Variants in MYO6 observed in about 807,000 individuals in gnomAD.
The protein encoded by MYO6 is myosin VI.
In MYO6, 74 loss-of-function variants were observed where a neutral mutation model predicts 178.7. That is an observed-to-expected ratio of 0.41 (90% CI 0.34 to 0.50). The LOEUF (loss-of-function observed/expected upper bound fraction) is 0.50. Among genes scored for constraint, MYO6 ranks in the 20% least tolerant of loss-of-function variants. The pLI is 0.09. For missense variants in MYO6, 1,330 were observed against 1,547.4 expected, an observed-to-expected ratio of 0.86 and a Z score of 2.36; for synonymous variants, 477 against 504.6, an observed-to-expected ratio of 0.95 and a Z score of 0.73.
intron 30 of MYO6, among the ~76,000 whole-genome samples, chr6:75,905,398 T>TATATCC (rs1285535294): frequency 1.1e-3 from 165 of 152,334 alleles, no homozygotes; most frequent in African/African-American, 3.8e-3. Context: ...CTCCGAGCCA[T>TATATCC]GTGCGGGATA....
intron 1 of MYO6, among the ~76,000 whole-genome samples, chr6:75,760,085 C>T (rs182112076): frequency 3.3e-5 from 5 of 152,224 alleles, no homozygotes; most frequent in African/African-American, 1.2e-4. Flanking sequence ...AGCAAGAGCA[C>T]TAGAACATAG....
intron 23 of MYO6, 75 bp from the exon 24 acceptor site, chr6:75,885,929 A>C: frequency 1.1e-6 from 1 of 886,476 alleles, no homozygotes; most frequent in South Asian, 1.5e-5. Flanking sequence ...TTACTTTGTG[A>C]AAATGAGTTT....
At chr6:75,778,139 G>A (rs1265096560) in intron 1 of MYO6, among the ~76,000 whole-genome samples, 1 of 151,936 alleles carries the variant, frequency 6.6e-6, no homozygotes, top group Non-Finnish European at 1.5e-5. Context: ...GATTACAGAC[G>A]TACATCATCA....
At chr6:75,854,173 C>T (rs74922712) in intron 11 of MYO6, among the ~76,000 whole-genome samples, 2,973 of 152,040 alleles carry the variant, frequency 0.02, 41 homozygotes, top group Non-Finnish European at 0.033. Context: ...CTCACATACC[C>T]CTGTGCAAGC....
Position 75,830,454 on chromosome 6 carries a change from C to T in MYO6, c.300C>T (p.Tyr100=), listed in dbSNP as rs1338891881. The T allele has an allele frequency of 6.2e-7, 1 of 1,612,194 alleles. No individual in the cohort carries two copies. The highest frequency in any genetic ancestry group is 8.5e-7 in the Non-Finnish European group (1 of 1,178,512). ...VANILIAVNP[Y]FDIPKIYSSE... is the part of the protein sequence containing the mutation. ...ACATTCTGATTGCAGTGAATCCATACTTTGACATACCTAAAATATATTCTT... is the reference window on the plus strand; with the variant it reads ...ACATTCTGATTGCAGTGAATCCATATTTTGACATACCTAAAATATATTCTT... Residue 100 remains tyrosine (Y), a synonymous_variant, in exon 5 of 35, where the codon TAC becomes TAT. Transcript: ENST00000369977.
rs1358766046 is a variant in MYO6, at chr6:75,900,061, G to T, written c.3176+1650G>T. On this transcript the variant is annotated intron_variant, in intron 30 of 34. Transcript: ENST00000369977. ...TCATCCATGTCCCTGCAAAGGACATGAACTCATCATTTTTTATGGCTGCAT... is the reference window on the plus strand; with the variant it reads ...TCATCCATGTCCCTGCAAAGGACATTAACTCATCATTTTTTATGGCTGCAT... Among the ~76,000 whole-genome samples the T allele has an allele frequency of 2.6e-5, 4 of 151,772 alleles. No homozygotes were observed. The East Asian group carries it at 7.7e-4, about 29-fold the overall frequency.
chr6:75,834,361 T>C (rs1773432389), intron 6 of MYO6, among the ~76,000 whole-genome samples: 1 of 152,060 alleles, frequency 6.6e-6, no homozygotes, highest in African/African-American at 2.4e-5. Flanking sequence ...GCCTCCCAAG[T>C]AACTGGGACC....
At chr6:75,884,933 C>G (rs1170852701) in intron 23 of MYO6, among the ~76,000 whole-genome samples, 1 of 152,196 alleles carries the variant, frequency 6.6e-6, no homozygotes, top group East Asian at 1.9e-4. Flanking sequence ...ACCGTAATTT[C>G]TAATCTTGGA....
intron 1 of MYO6, among the ~76,000 whole-genome samples, chr6:75,774,506 A>G (rs1766188363): frequency 6.6e-6 from 1 of 152,168 alleles, no homozygotes; most frequent in Non-Finnish European, 1.5e-5. Flanking sequence ...TTAGAGAATG[A>G]ATGCAATTTA....
intron 30 of MYO6, among the ~76,000 whole-genome samples, chr6:75,903,681 A>T (rs936327544): frequency 2.0e-5 from 3 of 151,820 alleles, no homozygotes; most frequent in Non-Finnish European, 4.4e-5. Context: ...CTCTTTATCC[A>T]GTTTGCCAGT....
At chr6:75,801,853 A>G (rs1399497009) in intron 1 of MYO6, among the ~76,000 whole-genome samples, 1 of 151,950 alleles carries the variant, frequency 6.6e-6, no homozygotes, top group Non-Finnish European at 1.5e-5. Flanking sequence ...AGGCAGGAGA[A>G]TCACTTGAAC....
In MYO6 at chr6:75,907,617, A is replaced by G. The variant is rs138368261; in HGVS notation, c.3189A>G (p.Val1063=). ...MSEFLSRGPA[V]LATKAAAGTK... is the part of the protein sequence containing the mutation. ...GTAATAATTACAGAGGTCCTGCTGT[A>G]CTAGCCACCAAAGCAGCTGCTGGTA... is the stretch of plus-strand genomic sequence containing the variant. Residue 1063 remains valine, a synonymous_variant, in exon 31 of 35, where the codon GTA becomes GTG. Coordinates refer to ENST00000369977, the MANE Select transcript of MYO6 (RefSeq NM_004999.4). 3 of 1,612,758 alleles carry G rather than the reference A, an allele frequency of 1.9e-6. No individual in the cohort carries two copies. The highest frequency in any genetic ancestry group is 2.5e-6 in the Non-Finnish European group (3 of 1,179,114).
At chr6:75,854,870 A>T (rs1246405117) in intron 11 of MYO6, among the ~76,000 whole-genome samples, 1 of 152,192 alleles carries the variant, frequency 6.6e-6, no homozygotes, top group Non-Finnish European at 1.5e-5. Context: ...GTTTGCTTAT[A>T]GGGTCAAAAA....
rs201924951 is a variant in MYO6 at position 75,757,398 on chromosome 6, TAC to T, written c.-48+7987_-48+7988del. Among the ~76,000 whole-genome samples, 559 of 149,288 alleles carry T rather than the reference TAC, an allele frequency of 3.7e-3. 3 individuals are homozygous for T. Among genetic ancestry groups the T allele is most frequent in the South Asian group, 9.3e-3 (44 of 4,706 alleles). ...GTATATATATGTATACACATATATA[TAC>T]ACACACACACATAGAGACAGACTTC... On this transcript the variant is annotated intron_variant, in intron 1 of 34. Transcript: ENST00000369977.
intron 16 of MYO6, among the ~76,000 whole-genome samples, chr6:75,866,258 CGTCTCT>C (rs1345989425): frequency 3.1e-5 from 4 of 129,066 alleles, no homozygotes; most frequent in Admixed American, 7.9e-5. Flanking sequence ...TCTTTCTCTC[CGTCTCT>C]GTCTCTGTCT....
Position 75,870,661 on chromosome 6 carries a change from G to A in MYO6, c.1959G>A (p.Leu653=), listed in dbSNP as rs1777071896. The change falls in exon 19 of 35, where the codon TTG becomes TTA. Residue 653 remains leucine (L), a synonymous_variant. Coordinates refer to ENST00000369977, the MANE Select transcript of MYO6 (RefSeq NM_004999.4). ...VGNKFKTQLN[L]LLDKLRSTGA... ...TTCTTTCACAGACACAGTTAAATTT[G>A]CTTCTGGATAAACTTCGAAGTACTG... 1 of 1,612,360 alleles carries A rather than the reference G, an allele frequency of 6.2e-7. No homozygotes were observed. Among genetic ancestry groups the A allele is most frequent in the Non-Finnish European group, 8.5e-7 (1 of 1,179,280 alleles).
intron 15 of MYO6, among the ~76,000 whole-genome samples, chr6:75,862,329 A>T (rs565692030): frequency 1.3e-5 from 2 of 152,218 alleles, no homozygotes; most frequent in Non-Finnish European, 1.5e-5. Flanking sequence ...CTGGTTTACA[A>T]ATGGAATGGT....
chr6:75,822,287 G>A (rs906764608), intron 2 of MYO6, among the ~76,000 whole-genome samples: 7 of 151,986 alleles, frequency 4.6e-5, no homozygotes, highest in African/African-American at 1.7e-4. Flanking sequence ...TAGTAGAGAC[G>A]GAGTTCTACC....
chr6:75,914,686 C>A, intron 34 of MYO6, 127 bp from the exon 35 acceptor site: 1 of 902,754 alleles, frequency 1.1e-6, no homozygotes, highest in Non-Finnish European at 1.7e-6. Flanking sequence ...AGCAGATTTC[C>A]ATCTTAGAGA....
Sources: gnomAD v4.1 joint callset for allele counts (sites outside exome capture counted in the v4.1 genomes callset) on GRCh38, gnomAD v4.1.1 for gene constraint, MANE v1.5 for transcripts, NCBI Gene and HGNC (gene_info 2026-07-23, HGNC 2026-07-21) for gene names.